Variants in ZBTB7C observed in about 807,000 individuals in gnomAD.
ZBTB7C encodes the protein zinc finger and BTB domain-containing protein 7C.
ZBTB7C carries 8 observed loss-of-function variants against 25.7 expected under a neutral mutation model. The ratio of observed to expected loss-of-function variants is 0.31; its 90% CI spans 0.18 to 0.56. The LOEUF (loss-of-function observed/expected upper bound fraction) is 0.56, where lower values mean the gene tolerates loss of function less well. Among genes scored for constraint, ZBTB7C ranks in the 20% least tolerant of loss-of-function variants. The pLI is 0.91. For missense variants in ZBTB7C, 824 were observed against 855.2 expected (o/e 0.96, Z 0.46); for synonymous variants, 394 against 369.0 (o/e 1.07, Z -0.78).
In ZBTB7C at chr18:48,041,123, C is replaced by G. The variant is rs746821173; in HGVS notation, c.-16G>C. 1.3e-6 allele frequency: 2 copies of G among 1,577,426 alleles called. No individual in the cohort carries two copies. Among genetic ancestry groups the G allele is most frequent in the African/African-American group, 2.7e-5 (2 of 74,440 alleles). On this transcript the variant is annotated splice_region_variant and 5_prime_UTR_variant, in exon 4 of 5. Transcript: ENST00000590800. ...CATTGGCCATGTTCTCAGCCAGAGCCCTGCAGAGACACACAGAGAAGAAGA... is the reference window on the plus strand; with the variant it reads ...CATTGGCCATGTTCTCAGCCAGAGCGCTGCAGAGACACACAGAGAAGAAGA...
At chr18:48,184,225 A>G (rs1328409615) in intron 3 of ZBTB7C, among the ~76,000 whole-genome samples, 1 of 152,188 alleles carries the variant, frequency 6.6e-6, no homozygotes, top group Non-Finnish European at 1.5e-5. Flanking sequence ...TCCAGAACAG[A>G]CAGAGTTCTG....
chr18:48,212,227 C>T (rs1043034351), intron 2 of ZBTB7C, among the ~76,000 whole-genome samples: 2 of 152,032 alleles, frequency 1.3e-5, no homozygotes, highest in African/African-American at 4.8e-5. Flanking sequence ...TTTAAAAAGT[C>T]AGTCTGGAAA....
chr18:48,382,883 G>A (rs1228020517), intron 1 of ZBTB7C, among the ~76,000 whole-genome samples: 2 of 152,140 alleles, frequency 1.3e-5, no homozygotes, highest in Non-Finnish European at 2.9e-5. Flanking sequence ...GTTAACATTC[G>A]TTTTCCCCTT....
chr18:48,396,755 CT>C (rs1457531429), intron 1 of ZBTB7C, among the ~76,000 whole-genome samples: 2 of 152,244 alleles, frequency 1.3e-5, no homozygotes, highest in African/African-American at 4.8e-5. Context: ...ACACATATTA[CT>C]TGGCCCACAT....
At chr18:48,224,302 G>C (rs1217113204) in intron 2 of ZBTB7C, among the ~76,000 whole-genome samples, 2 of 152,122 alleles carry the variant, frequency 1.3e-5, no homozygotes, top group Non-Finnish European at 2.9e-5. Context: ...CCCAAATCTA[G>C]AACCAATGAA....
chr18:48,383,109 A>ATG (rs2047669550), intron 1 of ZBTB7C, among the ~76,000 whole-genome samples: 1 of 152,106 alleles, frequency 6.6e-6, no homozygotes, highest in South Asian at 2.1e-4. Flanking sequence ...GCCTCAGAAG[A>ATG]CCATGAGTCC....
At chr18:48,276,888 A>G (rs2044674476) in intron 2 of ZBTB7C, among the ~76,000 whole-genome samples, 2 of 113,934 alleles carry the variant, frequency 1.8e-5, no homozygotes, top group African/African-American at 6.7e-5. Flanking sequence ...TGACTTCCAC[A>G]ATGGTTGAAC....
chr18:48,228,745 TCTCACACA>T lies in ZBTB7C; in HGVS notation c.-78-42758_-78-42751del, dbSNP rs1247515323. ...CTCTCTCTCTCTGTCTCTCTCTCTC[TCTCACACA>T]CACACACACACACACACACACTCGT... is the stretch of plus-strand genomic sequence containing the variant. On this transcript the variant is annotated intron_variant, in intron 2 of 4. Transcript: ENST00000590800. 6.6e-5 allele frequency among the ~76,000 whole-genome samples: 9 copies of T among 136,734 alleles called. No homozygotes were observed. In the East Asian group the frequency reaches 8.5e-4, roughly 13 times the overall value. The allele number at this position is 136,734 out of a possible 152,430, so 89.7% of individuals were successfully genotyped here. A position where few individuals can be genotyped will look rare whatever the true frequency, so the allele number is the denominator to read the frequency against.
At chr18:48,093,136 G>C (rs1480805707) in intron 3 of ZBTB7C, among the ~76,000 whole-genome samples, 1 of 152,220 alleles carries the variant, frequency 6.6e-6, no homozygotes. Flanking sequence ...TGTATTAACA[G>C]AGCACTGACT....
chr18:48,126,461 G>T (rs2039803489), intron 3 of ZBTB7C, among the ~76,000 whole-genome samples: 1 of 152,182 alleles, frequency 6.6e-6, no homozygotes, highest in Non-Finnish European at 1.5e-5. Flanking sequence ...CAATCACCTG[G>T]AACTGATTGT....
At chr18:48,278,802 C>T (rs1211900769) in intron 2 of ZBTB7C, among the ~76,000 whole-genome samples, 1 of 152,156 alleles carries the variant, frequency 6.6e-6, no homozygotes, top group East Asian at 1.9e-4. Context: ...GGCTGGTTTG[C>T]CACGTGGCAA....
At chr18:48,127,288 G>A (rs1241973646) in intron 3 of ZBTB7C, among the ~76,000 whole-genome samples, 1 of 152,188 alleles carries the variant, frequency 6.6e-6, no homozygotes, top group Non-Finnish European at 1.5e-5. Context: ...TCCCAGCTCA[G>A]AGCACCTCCC....
At chr18:48,320,367 G>A (rs907305549) in intron 2 of ZBTB7C, among the ~76,000 whole-genome samples, 1 of 152,230 alleles carries the variant, frequency 6.6e-6, no homozygotes, top group Non-Finnish European at 1.5e-5. Flanking sequence ...GAGTGACATG[G>A]TGGGGAGAGG....
intron 3 of ZBTB7C, chr18:48,088,255 C>A (rs1028372882): frequency 6.6e-6 from 1 of 152,224 alleles, no homozygotes; most frequent in African/African-American, 2.4e-5. Flanking sequence ...ACTCCAGTTA[C>A]CTTGGCCTCC....
intron 2 of ZBTB7C, among the ~76,000 whole-genome samples, chr18:48,270,747 G>A (rs62086475): frequency 0.23 from 34,729 of 150,472 alleles, 4,293 homozygotes; most frequent in Admixed American, 0.34. Flanking sequence ...TCAGCATGTC[G>A]GCCAGGATGG....
In ZBTB7C at chr18:48,368,155, C is replaced by A. The variant is rs549287993; in HGVS notation, c.-303-29757G>T. On this transcript the variant is annotated intron_variant, in intron 1 of 4. Coordinates refer to ENST00000590800, the MANE Select transcript of ZBTB7C (RefSeq NM_001318841.2). ...TGACAGACATGTTAGAATTATCTGA[C>A]AAAGATATTAAAGTAGGCATCACAA... Among the ~76,000 whole-genome samples, 18 of 138,768 alleles carry A rather than the reference C, an allele frequency of 1.3e-4. No homozygotes were observed. In the South Asian group the frequency reaches 3.8e-3, roughly 30 times the overall value. 91.0% of individuals were successfully genotyped at this position (138,768 alleles called of 152,430 possible).
At chr18:48,368,616 A>G (rs1396597180) in intron 1 of ZBTB7C, among the ~76,000 whole-genome samples, 1 of 152,206 alleles carries the variant, frequency 6.6e-6, no homozygotes, top group Non-Finnish European at 1.5e-5. Context: ...TAACAAACTT[A>G]AAGAAATCCC....
At chr18:48,056,156 C>T (rs927127432) in intron 3 of ZBTB7C, among the ~76,000 whole-genome samples, 1 of 152,114 alleles carries the variant, frequency 6.6e-6, no homozygotes, top group African/African-American at 2.4e-5. Flanking sequence ...GAAACAACAC[C>T]TAGGAATAAG....
At chr18:48,037,798 C>A (rs769495329) in intron 4 of ZBTB7C, among the ~76,000 whole-genome samples, 1 of 152,198 alleles carries the variant, frequency 6.6e-6, no homozygotes, top group Admixed American at 6.5e-5. Context: ...GCAGAGCCTG[C>A]GTTGGCAGGA....
Sources: gnomAD v4.1 joint callset for allele counts (sites outside exome capture counted in the v4.1 genomes callset) on GRCh38, gnomAD v4.1.1 for gene constraint, MANE v1.5 for transcripts, NCBI Gene and HGNC (gene_info 2026-07-23, HGNC 2026-07-21) for gene names.